Variants in TEF observed in about 807,000 individuals in gnomAD.
The protein encoded by TEF is thyrotroph embryonic factor.
A neutral mutation model predicts 20.8 loss-of-function variants in TEF; 3 were observed. That is an observed-to-expected ratio of 0.14 (90% CI 0.07 to 0.37). The LOEUF is 0.37. Among genes scored for constraint, TEF ranks in the 10% least tolerant of loss-of-function variants. The probability of loss-of-function intolerance (pLI) is 1.00; values close to 1 mark genes in which losing one functional copy is unlikely to be tolerated. For synonymous variants in TEF, 180 were observed against 171.1 expected, an observed-to-expected ratio of 1.05 and a Z score of -0.41; for missense variants, 296 against 397.9, an observed-to-expected ratio of 0.74 and a Z score of 2.18.
chr22:41,379,926 G>GAAAAGAAAAGA (rs1569253546), upstream of TEF, among the ~76,000 whole-genome samples: 4 of 146,298 alleles, frequency 2.7e-5, no homozygotes. Context: ...GAAAAGAAAA[G>GAAAAGAAAAGA]AAAAGAAAAT....
At chr22:41,391,614 C>T (rs2037167051) in intron 2 of TEF, among the ~76,000 whole-genome samples, 1 of 149,874 alleles carries the variant, frequency 6.7e-6, no homozygotes, top group Non-Finnish European at 1.5e-5. Flanking sequence ...CCACACCAGG[C>T]CGGCATCTGA....
chr22:41,378,329 C>A (rs564546889), upstream of TEF, among the ~76,000 whole-genome samples: 216 of 148,436 alleles, frequency 1.5e-3, 2 homozygotes, highest in South Asian at 3.5e-3. Context: ...CCACCACGCC[C>A]AGCTAACTTT....
Position 41,396,922 on chromosome 22 carries a change from C to G in TEF, c.*962C>G. The G allele has an allele frequency of 2.5e-6, 1 of 398,630 alleles. No individual in the cohort carries two copies. The highest frequency in any genetic ancestry group is 1.3e-4 in the South Asian group (1 of 7,854). The allele number at this position is 398,630 out of a possible 1,614,324, so 24.7% of individuals were successfully genotyped here. A position where few individuals can be genotyped will look rare whatever the true frequency, so the allele number is the denominator to read the frequency against. The stretch of plus-strand genomic sequence containing the variant: ...CTTCCTAGTGGTGTTTAGAAAATGC[C>G]TCCACAGCCCCCTTCCACCATGGGC... On this transcript the variant is annotated 3_prime_UTR_variant, in exon 4 of 4. Transcript: ENST00000266304.
At chr22:41,379,921 GAAAAGAAAAGAAAAT>G (rs1373765940), upstream of TEF, among the ~76,000 whole-genome samples, 35 of 131,662 alleles carry the variant, frequency 2.7e-4, no homozygotes, top group African/African-American at 1.0e-3. Context: ...AAAAAGAAAA[GAAAAGAAAAGAAAAT>G]AAAAAGAAAA....
chr22:41,394,616 A>G (rs964130460), intron 3 of TEF, among the ~76,000 whole-genome samples: 1 of 152,216 alleles, frequency 6.6e-6, no homozygotes, highest in Non-Finnish European at 1.5e-5. Context: ...TCACTAGGCC[A>G]CAGGAACTGG....
At chr22:41,381,172 G>C (rs1288960316), upstream of TEF, among the ~76,000 whole-genome samples, 1 of 152,262 alleles carries the variant, frequency 6.6e-6, no homozygotes, top group Non-Finnish European at 1.5e-5. Flanking sequence ...CGACTTGGCA[G>C]GTCGCGGTCC....
chr22:41,390,467 CA>C (rs2037150854), intron 2 of TEF, among the ~76,000 whole-genome samples: 1 of 149,546 alleles, frequency 6.7e-6, no homozygotes, highest in African/African-American at 2.5e-5. Flanking sequence ...CTTCTTCCAG[CA>C]AAGTCATTTT....
In TEF at chr22:41,397,983, G is replaced by A. The variant is rs2037250163; in HGVS notation, c.*2023G>A. The A allele has an allele frequency of 6.6e-6, 1 of 152,200 alleles. No homozygotes were observed. The highest frequency in any genetic ancestry group is 2.1e-4 in the South Asian group (1 of 4,828). 9.4% of individuals were successfully genotyped at this position (152,200 alleles called of 1,614,324 possible). ...TGTTCCGAGCCCGGTGGCTGGGATG[G>A]TGGCTCGATGTGTCTCCTCTTTATC... On this transcript the variant is annotated 3_prime_UTR_variant, in exon 4 of 4. Coordinates refer to ENST00000266304, the MANE Select transcript of TEF (RefSeq NM_003216.4).
At chr22:41,391,608 A>G (rs112893862) in intron 2 of TEF, among the ~76,000 whole-genome samples, 3 of 141,724 alleles carry the variant, frequency 2.1e-5, no homozygotes, top group African/African-American at 8.1e-5. Context: ...GAGCCACCAC[A>G]CCAGGCCGGC....
chr22:41,389,051 A>G (rs1020295673), intron 2 of TEF, among the ~76,000 whole-genome samples: 2 of 152,216 alleles, frequency 1.3e-5, no homozygotes, highest in African/African-American at 4.8e-5. Flanking sequence ...CTAGTTTTAC[A>G]TCTAAAGTTG....
intron 1 of TEF, among the ~76,000 whole-genome samples, chr22:41,375,294 C>T (rs573776841): frequency 6.6e-6 from 1 of 152,290 alleles, no homozygotes; most frequent in East Asian, 1.9e-4. Context: ...CACACTGAGA[C>T]CAAGGAGGGT....
intron 2 of TEF, among the ~76,000 whole-genome samples, 180 bp from the exon 3 acceptor site, chr22:41,393,916 G>T (rs1319044909): frequency 6.6e-6 from 1 of 152,122 alleles, no homozygotes; most frequent in Non-Finnish European, 1.5e-5. Context: ...TTGAATGTTT[G>T]TGTTGTGGAA....
At chr22:41,373,130 C>A (rs1019444960) in intron 1 of TEF, among the ~76,000 whole-genome samples, 6 of 152,136 alleles carry the variant, frequency 3.9e-5, no homozygotes, top group African/African-American at 1.4e-4. Flanking sequence ...TTAGGTATCC[C>A]CAGAACAACC....
chr22:41,385,317 G>A (rs570560267), intron 1 of TEF, among the ~76,000 whole-genome samples: 3 of 152,120 alleles, frequency 2.0e-5, no homozygotes, highest in South Asian at 2.1e-4. Context: ...CTGAGACCGC[G>A]CCATTGCACT....
At chr22:41,394,554 C>T (rs2037205971) in intron 3 of TEF, among the ~76,000 whole-genome samples, 2 of 152,246 alleles carry the variant, frequency 1.3e-5, no homozygotes, top group South Asian at 4.1e-4. Flanking sequence ...GGGCCATCGG[C>T]TGTGTTGATG....
In TEF at chr22:41,387,360, A is replaced by G. The variant is rs781628452; in HGVS notation, c.167A>G (p.Lys56Arg). 7.4e-6 allele frequency: 12 copies of G among 1,614,040 alleles called. No homozygotes were observed. The African/African-American group carries it at 1.3e-4, about 18-fold the overall frequency. ...GATTTTGTTTCTGCAGATAAGGAAAAGGGGAAGGAAAAGCTGGAGGAGGAC... is the reference window on the plus strand; with the variant it reads ...GATTTTGTTTCTGCAGATAAGGAAAGGGGGAAGGAAAAGCTGGAGGAGGAC... The part of the protein sequence containing the change: ...PPREARLDKE[K>R]GKEKLEEDEA... The change falls in exon 2 of 4, where the codon AAG becomes AGG. Residue 56 changes from lysine to arginine, a missense_variant. By Grantham distance (26) the Lys-to-Arg change is conservative. Coordinates refer to ENST00000266304, the MANE Select transcript of TEF (RefSeq NM_003216.4).
intron 1 of TEF, among the ~76,000 whole-genome samples, 171 bp from the exon 2 acceptor site, chr22:41,387,180 G>T (rs1056795405): frequency 6.6e-6 from 1 of 152,184 alleles, no homozygotes; most frequent in Non-Finnish European, 1.5e-5. Flanking sequence ...AAAACAGCCG[G>T]CCTGGTTCAA....
At chr22:41,378,224 A>G (rs1251651075), upstream of TEF, among the ~76,000 whole-genome samples, 1 of 140,556 alleles carries the variant, frequency 7.1e-6, no homozygotes, top group Admixed American at 7.8e-5. Context: ...GCTGGAGTGC[A>G]GTGGCACGAT....
At chr22:41,379,931 GAAAAT>G (rs949991683), upstream of TEF, among the ~76,000 whole-genome samples, 61 of 132,332 alleles carry the variant, frequency 4.6e-4, no homozygotes, top group African/African-American at 1.8e-3. Context: ...GAAAAGAAAA[GAAAAT>G]AAAAAGAAAA....
Sources: gnomAD v4.1 joint callset for allele counts (sites outside exome capture counted in the v4.1 genomes callset) on GRCh38, gnomAD v4.1.1 for gene constraint, MANE v1.5 for transcripts, NCBI Gene and HGNC (gene_info 2026-07-23, HGNC 2026-07-21) for gene names.